Variants in PTPRD observed in about 807,000 individuals in gnomAD.
The protein encoded by PTPRD is protein tyrosine phosphatase receptor type D.
A neutral mutation model predicts 214.5 loss-of-function variants in PTPRD; 34 were observed. The ratio of observed to expected loss-of-function variants is 0.16; its 90% CI spans 0.12 to 0.21. PTPRD has a LOEUF of 0.21. Ranked by LOEUF, PTPRD falls within the 10% of genes least tolerant of loss-of-function variation. The pLI is 1.00. For synonymous variants in PTPRD, 1,128 were observed against 845.7 expected (o/e 1.33, Z -5.79); for missense variants, 2,545 against 2,398.7 (o/e 1.06, Z -1.27).
intron 4 of PTPRD, among the ~76,000 whole-genome samples, chr9:9,958,177 C>G (rs2094093351): frequency 6.6e-6 from 1 of 152,180 alleles, no homozygotes; most frequent in South Asian, 2.1e-4. Context: ...AAGAAGTTTT[C>G]AGATACAGTA....
At chr9:8,725,675 TACAA>T (rs1376199143) in intron 12 of PTPRD, among the ~76,000 whole-genome samples, 35 of 152,334 alleles carry the variant, frequency 2.3e-4, no homozygotes, top group Admixed American at 1.9e-3. Context: ...CAAAATGCTT[TACAA>T]ACAGTTATTT....
intron 11 of PTPRD, among the ~76,000 whole-genome samples, chr9:8,837,026 T>A (rs1334145158): frequency 2.0e-5 from 2 of 97,732 alleles, no homozygotes; most frequent in East Asian, 4.4e-4. Context: ...CACACCCAGC[T>A]TTTTTTTTTT....
At chr9:8,494,210 TA>T (rs1223645942) in intron 26 of PTPRD, among the ~76,000 whole-genome samples, 1 of 152,164 alleles carries the variant, frequency 6.6e-6, no homozygotes, top group Non-Finnish European at 1.5e-5. Context: ...AGCAAGGCTG[TA>T]ACAGATACCG....
chr9:10,125,091 T>A (rs2098805677), intron 3 of PTPRD, among the ~76,000 whole-genome samples: 1 of 152,188 alleles, frequency 6.6e-6, no homozygotes, highest in African/African-American at 2.4e-5. Flanking sequence ...GAAATGTATT[T>A]AGGGTCCCAT....
intron 11 of PTPRD, among the ~76,000 whole-genome samples, chr9:8,945,342 A>C (rs975663012): frequency 1.3e-5 from 2 of 151,984 alleles, no homozygotes; most frequent in Non-Finnish European, 2.9e-5. Flanking sequence ...TCTTTCCTTC[A>C]TTGACTCTCA....
intron 6 of PTPRD, among the ~76,000 whole-genome samples, chr9:9,752,199 T>C (rs1391244022): frequency 6.6e-6 from 1 of 152,016 alleles, no homozygotes; most frequent in Non-Finnish European, 1.5e-5. Flanking sequence ...GGGGATTATC[T>C]GTGAATTTAA....
rs2097351452 is a variant in PTPRD at position 8,499,631 on chromosome 9, A to T, written c.2322+16T>A. 4 of 1,601,248 alleles carry T rather than the reference A, an allele frequency of 2.5e-6. No homozygotes were observed. The East Asian group carries it at 8.9e-5, about 36-fold the overall frequency. On this transcript the variant is annotated intron_variant, in intron 25 of 45. Coordinates refer to ENST00000381196, the MANE Select transcript of PTPRD (RefSeq NM_002839.4). The stretch of plus-strand genomic sequence containing the variant: ...TTATTATATAAAAACAGAGGTACAT[A>T]ATTTCAGAGGCTTACCTGTGCATCA...
At chr9:10,403,221 T>C (rs2098300688) in intron 2 of PTPRD, among the ~76,000 whole-genome samples, 1 of 120,708 alleles carries the variant, frequency 8.3e-6, no homozygotes. Flanking sequence ...TTTGTGTGTG[T>C]GTGTAAATAT....
At chr9:9,948,091 A>T (rs1321686997) in intron 4 of PTPRD, among the ~76,000 whole-genome samples, 1 of 152,074 alleles carries the variant, frequency 6.6e-6, no homozygotes, top group African/African-American at 2.4e-5. Flanking sequence ...CATGAAGAGT[A>T]GTCAAGATTT....
chr9:9,376,992 C>G (rs556736912), intron 9 of PTPRD, among the ~76,000 whole-genome samples: 1 of 152,008 alleles, frequency 6.6e-6, no homozygotes, highest in South Asian at 2.1e-4. Flanking sequence ...AATTTTAAGT[C>G]TCTTGTCTGC....
At chr9:10,391,146 C>A (rs1451098930) in intron 2 of PTPRD, among the ~76,000 whole-genome samples, 1 of 151,688 alleles carries the variant, frequency 6.6e-6, no homozygotes, top group African/African-American at 2.4e-5. Flanking sequence ...GGATTGGATG[C>A]AGTTGGAAAT....
chr9:8,740,996 T>G (rs936325943), intron 11 of PTPRD, among the ~76,000 whole-genome samples: 1 of 152,182 alleles, frequency 6.6e-6, no homozygotes, highest in Non-Finnish European at 1.5e-5. Flanking sequence ...AAAAAGTCAA[T>G]AGCTATTATT....
At chr9:10,100,387 A>C (rs1159358717) in intron 3 of PTPRD, among the ~76,000 whole-genome samples, 3 of 151,692 alleles carry the variant, frequency 2.0e-5, no homozygotes, top group African/African-American at 7.2e-5. Flanking sequence ...GAACCAAAGC[A>C]GTCTAGTTGC....
intron 2 of PTPRD, among the ~76,000 whole-genome samples, chr9:10,588,244 G>C (rs116690243): frequency 0.024 from 3,635 of 152,074 alleles, 139 homozygotes; most frequent in African/African-American, 0.083. Flanking sequence ...TTGCAGTTTT[G>C]TTGACTCCAA....
chr9:9,692,184 G>C (rs2790040), intron 7 of PTPRD, among the ~76,000 whole-genome samples: 94,984 of 151,222 alleles, frequency 0.63, 30,105 homozygotes, highest in South Asian at 0.66. Context: ...GGATATTCAT[G>C]AAGAAACATT....
intron 10 of PTPRD, among the ~76,000 whole-genome samples, chr9:9,116,395 C>A (rs767661762): frequency 6.6e-6 from 1 of 152,082 alleles, no homozygotes; most frequent in East Asian, 1.9e-4. Context: ...CATGTTCTCA[C>A]TCATAAGTGA....
chr9:9,505,555 A>G (rs1232999666), intron 8 of PTPRD, among the ~76,000 whole-genome samples: 1 of 151,510 alleles, frequency 6.6e-6, no homozygotes, highest in Non-Finnish European at 1.5e-5. Flanking sequence ...ATATTTTAAT[A>G]AACTTCTTTA....
intron 4 of PTPRD, among the ~76,000 whole-genome samples, chr9:9,993,954 T>C (rs2096038487): frequency 6.6e-6 from 1 of 152,200 alleles, no homozygotes; most frequent in South Asian, 2.1e-4. Context: ...TACTGCTACT[T>C]GTAAATATGT....
intron 11 of PTPRD, among the ~76,000 whole-genome samples, chr9:8,939,580 C>CAA (rs2099018636): frequency 6.6e-6 from 1 of 151,806 alleles, no homozygotes; most frequent in South Asian, 2.1e-4. Flanking sequence ...ATACATAACA[C>CAA]ACACACACAC....
Sources: gnomAD v4.1 joint callset for allele counts (sites outside exome capture counted in the v4.1 genomes callset) on GRCh38, gnomAD v4.1.1 for gene constraint, MANE v1.5 for transcripts, NCBI Gene and HGNC (gene_info 2026-07-23, HGNC 2026-07-21) for gene names.